The following SGIP1 variants were observed in gnomAD, a reference collection of about 807,000 sequenced individuals.
The protein encoded by SGIP1 is SH3GL interacting endocytic adaptor 1, also known as SH3-containing GRB2-like protein 3-interacting protein 1.
Under a neutral mutation model 107.5 loss-of-function variants are expected in SGIP1, and 38 were observed. That is an observed-to-expected ratio of 0.35 (90% confidence interval 0.27 to 0.46). The LOEUF (loss-of-function observed/expected upper bound fraction) is 0.46, where lower values mean the gene tolerates loss of function less well. SGIP1 is among the 20% of genes least tolerant of loss of function. The pLI, the probability that SGIP1 is intolerant of heterozygous loss-of-function variation, is 1.00. For synonymous variants in SGIP1, 365 were observed against 366.1 expected (o/e 1.00, Z 0.03); for missense variants, 929 against 1,019.5 (o/e 0.91, Z 1.21).
At chr1:66,733,301 T>G (rs1572386871) in intron 20 of SGIP1, among the ~76,000 whole-genome samples, 1 of 152,206 alleles carries the variant, frequency 6.6e-6, no homozygotes, top group Non-Finnish European at 1.5e-5. Context: ...ATGTTTACAT[T>G]TGGCCAAATA....
intron 1 of SGIP1, among the ~76,000 whole-genome samples, chr1:66,615,265 G>A (rs1355160403): frequency 6.6e-6 from 1 of 152,094 alleles, no homozygotes; most frequent in African/African-American, 2.4e-5. Flanking sequence ...ATCCTGAGTA[G>A]CTGGGATTAC....
At chr1:66,718,368 CA>C (rs2093357493) in intron 18 of SGIP1, among the ~76,000 whole-genome samples, 1 of 151,828 alleles carries the variant, frequency 6.6e-6, no homozygotes, top group Admixed American at 6.6e-5. Context: ...CTACGGGTTA[CA>C]GCAAAATGAT....
At chr1:66,674,622 A>G (rs1040716703) in intron 12 of SGIP1, among the ~76,000 whole-genome samples, 1 of 152,208 alleles carries the variant, frequency 6.6e-6, no homozygotes, top group Non-Finnish European at 1.5e-5. Flanking sequence ...CTTTCAGGTT[A>G]ACTGTCTGGA....
At chr1:66,663,193 A>G (rs866683004) in intron 8 of SGIP1, among the ~76,000 whole-genome samples, 29 of 152,192 alleles carry the variant, frequency 1.9e-4, no homozygotes, top group Admixed American at 5.2e-4. Context: ...CACAATGTGT[A>G]TGTGCCTGAC....
Position 66,681,898 on chromosome 1 carries a change from A to G in SGIP1, c.844A>G (p.Ile282Val). 6.2e-7 allele frequency: 1 copy of G among 1,613,562 alleles called. No individual in the cohort carries two copies. Among genetic ancestry groups the G allele is most frequent in the Non-Finnish European group, 8.5e-7 (1 of 1,179,638 alleles). The change falls in exon 15 of 25, where the codon ATT becomes GTT. Residue 282 changes from isoleucine (I) to valine (V), a missense_variant. Ile to Val is a conservative substitution (Grantham distance 29). Coordinates refer to ENST00000371037, the MANE Select transcript of SGIP1 (RefSeq NM_032291.4). Reference protein sequence around the residue: ...GNDQSATEVKIEKLPSINDLD... With the variant: ...GNDQSATEVKVEKLPSINDLD... Reference sequence around the variant, plus strand: ...TGACCAGTCAGCCACAGAGGTCAAAATTGAAAAACTACCATCCATCAATGA... The same window carrying G: ...TGACCAGTCAGCCACAGAGGTCAAAGTTGAAAAACTACCATCCATCAATGA...
At chr1:66,632,990 T>G in intron 2 of SGIP1, 80 bp from the exon 3 acceptor site, 2 of 893,858 alleles carry the variant, frequency 2.2e-6, no homozygotes, top group Non-Finnish European at 3.7e-6. Flanking sequence ...TGGTGGTTAT[T>G]GGTTCTTACT....
At position 66,643,672 on chromosome 1, in the gene SGIP1, G is replaced by A; in HGVS notation, c.412G>A (p.Glu138Lys). 1 of 1,612,132 alleles carries A rather than the reference G, an allele frequency of 6.2e-7. No individual in the cohort carries two copies. The highest frequency in any genetic ancestry group is 8.5e-7 in the Non-Finnish European group (1 of 1,179,346). Residue 138 changes from glutamate to lysine, a missense_variant, in exon 7 of 25, where the codon GAA becomes AAA. This residue lies in a region of SGIP1 where 588 missense variants were observed against 588.6 expected (regional missense o/e 1.00). Coordinates refer to ENST00000371037, the MANE Select transcript of SGIP1 (RefSeq NM_032291.4). ...DILKNAATVD[E>K]LKASIGNIAL... ...TCTTAAGAATGCTGCAACTGTAGATGAATTGAAGGCATCAATAGGCAACAT... is the reference window on the plus strand; with the variant it reads ...TCTTAAGAATGCTGCAACTGTAGATAAATTGAAGGCATCAATAGGCAACAT...
intron 1 of SGIP1, among the ~76,000 whole-genome samples, chr1:66,613,135 A>G (rs1055265481): frequency 1.3e-5 from 2 of 152,010 alleles, no homozygotes; most frequent in African/African-American, 2.4e-5. Context: ...TGTAGAAAAC[A>G]CTCTATTTGT....
intron 1 of SGIP1, among the ~76,000 whole-genome samples, chr1:66,603,007 G>T (rs1439779801): frequency 6.6e-6 from 1 of 152,100 alleles, no homozygotes; most frequent in African/African-American, 2.4e-5. Flanking sequence ...TTTTGTTCTT[G>T]TTTTCTCTGC....
At chr1:66,542,289 G>A (rs1024991822) in intron 1 of SGIP1, among the ~76,000 whole-genome samples, 10 of 152,098 alleles carry the variant, frequency 6.6e-5, no homozygotes, top group Admixed American at 1.3e-4. Context: ...CGACAATAAC[G>A]AATAATAAAA....
chr1:66,553,755 T>A (rs2057776278), intron 1 of SGIP1, among the ~76,000 whole-genome samples: 1 of 152,080 alleles, frequency 6.6e-6, no homozygotes, highest in African/African-American at 2.4e-5. Context: ...ATGCTCTTCA[T>A]CACCTCCTAG....
chr1:66,744,401 A>T lies in SGIP1; in HGVS notation c.*1306A>T, dbSNP rs938299503. 1.2e-4 allele frequency: 19 copies of T among 152,162 alleles called. No homozygotes were observed. Among genetic ancestry groups the T allele is most frequent in the African/African-American group, 4.6e-4 (19 of 41,468 alleles). The allele number at this position is 152,162 out of a possible 1,614,324, so 9.4% of individuals were successfully genotyped here. A position where few individuals can be genotyped will look rare whatever the true frequency, so the allele number is the denominator to read the frequency against. ...GGCCCTGCCATATGAACATTTAGAA[A>T]GACAAACTTCTTCGGGAGTCTCAGT... On this transcript the variant is annotated 3_prime_UTR_variant, in exon 25 of 25. Transcript: ENST00000371037.
At chr1:66,622,509 C>T (rs369646333) in intron 1 of SGIP1, among the ~76,000 whole-genome samples, 11 of 152,094 alleles carry the variant, frequency 7.2e-5, no homozygotes, top group Admixed American at 3.9e-4. Flanking sequence ...ACATTATAAC[C>T]GGGCTGCCTA....
chr1:66,545,195 G>C (rs757433821), intron 1 of SGIP1, among the ~76,000 whole-genome samples: 1 of 152,180 alleles, frequency 6.6e-6, no homozygotes, highest in African/African-American at 2.4e-5. Context: ...CTAAGATGAA[G>C]TCCAAATGCC....
intron 1 of SGIP1, among the ~76,000 whole-genome samples, chr1:66,614,723 A>G (rs917979520): frequency 2.6e-5 from 4 of 151,662 alleles, no homozygotes; most frequent in Admixed American, 2.0e-4. Flanking sequence ...GTACCATGTA[A>G]TCTCCTACTT....
At chr1:66,662,214 T>C (rs1571443933) in intron 8 of SGIP1, among the ~76,000 whole-genome samples, 1 of 152,222 alleles carries the variant, frequency 6.6e-6, no homozygotes, top group East Asian at 1.9e-4. Flanking sequence ...TCTAATCCTT[T>C]CCTAGAAAAT....
At chr1:66,579,684 A>T (rs2061555582) in intron 1 of SGIP1, among the ~76,000 whole-genome samples, 1 of 152,246 alleles carries the variant, frequency 6.6e-6, no homozygotes, top group Non-Finnish European at 1.5e-5. Context: ...ACCTATACTA[A>T]TGGAAATAAT....
At chr1:66,544,998 CCTA>C (rs1372940178) in intron 1 of SGIP1, among the ~76,000 whole-genome samples, 1 of 152,134 alleles carries the variant, frequency 6.6e-6, no homozygotes, top group African/African-American at 2.4e-5. Flanking sequence ...TCCTTCCTGT[CCTA>C]CATCAGTAGG....
chr1:66,651,326 T>C (rs1015804498), intron 7 of SGIP1, among the ~76,000 whole-genome samples: 6 of 152,084 alleles, frequency 3.9e-5, no homozygotes, highest in Admixed American at 1.3e-4. Context: ...ATCCCCACTT[T>C]ACAGATGAGA....
Sources: allele counts gnomAD v4.1 joint callset (sites outside exome capture counted in the v4.1 genomes callset), GRCh38; gene constraint gnomAD v4.1.1; regional missense constraint gnomAD v4.1.1; transcripts MANE v1.5; gene names NCBI Gene and HGNC (gene_info 2026-07-23, HGNC 2026-07-21).